EPHX1: variants seen among roughly 807,000 people sequenced by gnomAD.
The protein encoded by EPHX1 is epoxide hydratase.
A neutral mutation model predicts 43.2 loss-of-function variants in EPHX1; 40 were observed. The observed-to-expected ratio is 0.93, with a 90% CI of 0.72 to 1.21. The LOEUF is 1.21. Ranked by LOEUF, EPHX1 falls within the 50% of genes most tolerant of loss-of-function variation. The pLI is 0.00. For synonymous variants in EPHX1, 221 were observed against 226.7 expected, an observed-to-expected ratio of 0.98 and a Z score of 0.22; for missense variants, 550 against 570.4, an observed-to-expected ratio of 0.96 and a Z score of 0.36.
intron 2 of EPHX1, 47 bp downstream of exon 2, chr1:225,828,959 G>GT (rs1667421627): frequency 6.5e-7 from 1 of 1,549,690 alleles, no homozygotes; most frequent in Non-Finnish European, 8.7e-7. Flanking sequence ...AGAGGGTGGT[G>GT]TGTCGAAGAC....
At chr1:225,814,971 G>T (rs1022883666) in intron 1 of EPHX1, among the ~76,000 whole-genome samples, 1 of 152,236 alleles carries the variant, frequency 6.6e-6, no homozygotes, top group Non-Finnish European at 1.5e-5. Flanking sequence ...AGAGAAGACT[G>T]ACTCTTACCA....
chr1:225,824,648 C>T (rs1667141150), intron 1 of EPHX1, among the ~76,000 whole-genome samples: 1 of 152,244 alleles, frequency 6.6e-6, no homozygotes, highest in South Asian at 2.1e-4. Flanking sequence ...CAAGAGGGCG[C>T]CACTCTGCCT....
At chr1:225,810,627 G>A (rs569522668) in intron 1 of EPHX1, 1 of 152,544 alleles carries the variant, frequency 6.6e-6, no homozygotes, top group South Asian at 2.1e-4. Context: ...TGAGCAACAT[G>A]GCTGTTTATT....
intron 1 of EPHX1, among the ~76,000 whole-genome samples, chr1:225,812,424 A>G (rs897933754): frequency 1.1e-4 from 17 of 152,192 alleles, no homozygotes; most frequent in African/African-American, 4.1e-4. Flanking sequence ...GAAGCCCTGA[A>G]TGAGGGCTCT....
At chr1:225,811,889 A>T (rs576696905) in intron 1 of EPHX1, among the ~76,000 whole-genome samples, 9 of 152,346 alleles carry the variant, frequency 5.9e-5, no homozygotes, top group Non-Finnish European at 1.0e-4. Context: ...TTGCAGTTCT[A>T]GGGGCAGAGG....
intron 1 of EPHX1, chr1:225,825,352 T>C (rs1202739457): frequency 1.3e-5 from 2 of 152,258 alleles, no homozygotes; most frequent in African/African-American, 4.8e-5. Flanking sequence ...CCTGCCTCTC[T>C]CACAGGCCCT....
intron 1 of EPHX1, among the ~76,000 whole-genome samples, chr1:225,813,870 T>G (rs1666601779): frequency 6.6e-6 from 1 of 152,186 alleles, no homozygotes; most frequent in Non-Finnish European, 1.5e-5. Context: ...TGAGCAAGCT[T>G]GCAGAAGAGG....
In EPHX1 at chr1:225,838,737, T is replaced by C; in HGVS notation, c.448T>C (p.Trp150Arg). 6.2e-7 allele frequency: 1 copy of C among 1,614,204 alleles called. No homozygotes were observed. Among genetic ancestry groups the C allele is most frequent in the Non-Finnish European group, 8.5e-7 (1 of 1,180,030 alleles). The change falls in exon 4 of 9, where the codon TGG becomes CGG. Residue 150 changes from tryptophan to arginine, a missense_variant. Coordinates refer to ENST00000272167, the MANE Select transcript of EPHX1 (RefSeq NM_001136018.4). ...GAAGCCCTTGCTGATGGTGCACGGC[T>C]GGCCCGGCTCTTTCTACGAGTTTTA... is the stretch of plus-strand genomic sequence containing the variant. The part of the protein sequence containing the change: ...TPKPLLMVHG[W>R]PGSFYEFYKI...
At chr1:225,816,967 C>T (rs1666754064) in intron 1 of EPHX1, among the ~76,000 whole-genome samples, 1 of 152,230 alleles carries the variant, frequency 6.6e-6, no homozygotes, top group African/African-American at 2.4e-5. Context: ...AGCACTCCTG[C>T]CCCCAAGAAG....
At chr1:225,820,783 C>T (rs1277512317) in intron 1 of EPHX1, among the ~76,000 whole-genome samples, 1 of 151,922 alleles carries the variant, frequency 6.6e-6, no homozygotes, top group Non-Finnish European at 1.5e-5. Flanking sequence ...CTAACCACTT[C>T]TGCTTGTGCA....
intron 6 of EPHX1, among the ~76,000 whole-genome samples, chr1:225,841,433 C>T (rs1668402538): frequency 6.6e-6 from 1 of 151,288 alleles, no homozygotes; most frequent in Non-Finnish European, 1.5e-5. Context: ...CAGGCACCTG[C>T]CACCATGCCT....
At chr1:225,844,111 A>C (rs1668683711) in intron 7 of EPHX1, among the ~76,000 whole-genome samples, 1 of 152,194 alleles carries the variant, frequency 6.6e-6, no homozygotes, top group Non-Finnish European at 1.5e-5. Flanking sequence ...AGAGGAAAAC[A>C]TGAATTAAAA....
At chr1:225,838,628 A>G (rs921344873) in intron 3 of EPHX1, 26 bp from the exon 4 acceptor site, 12 of 1,601,206 alleles carry the variant, frequency 7.5e-6, no homozygotes, top group Non-Finnish European at 8.6e-6. Flanking sequence ...CTCTCCCTCC[A>G]CCCTGACTGT....
In EPHX1 at chr1:225,839,290, T is replaced by G; in HGVS notation, c.666T>G (p.Ile222Met). The change falls in exon 5 of 9, where the codon ATT becomes ATG. Residue 222 changes from isoleucine to methionine, a missense_variant. Coordinates refer to ENST00000272167, the MANE Select transcript of EPHX1 (RefSeq NM_001136018.4). ...MLRLGFQEFYIQGGDWGSLIC... is the reference protein window; with the variant it reads ...MLRLGFQEFYMQGGDWGSLIC... ...GGCTGGGCTTCCAGGAATTCTACAT[T>G]CAAGGAGGGGACTGGGGGTCCCTGA... 1 of 1,613,886 alleles carries G rather than the reference T, an allele frequency of 6.2e-7. No homozygotes were observed. Among genetic ancestry groups the G allele is most frequent in the South Asian group, 1.1e-5 (1 of 91,066 alleles).
intron 7 of EPHX1, among the ~76,000 whole-genome samples, chr1:225,843,506 A>G (rs1668614262): frequency 6.6e-6 from 1 of 152,156 alleles, no homozygotes; most frequent in African/African-American, 2.4e-5. Context: ...TCAGCAGGAC[A>G]CAGGGGTTGA....
intron 5 of EPHX1, 130 bp from the exon 6 acceptor site, chr1:225,839,699 G>A: frequency 9.5e-7 from 1 of 1,047,900 alleles, no homozygotes; most frequent in Non-Finnish European, 1.5e-6. Flanking sequence ...CTCCCCAGTG[G>A]GGCCAGTGCT....
At chr1:225,828,189 C>G (rs1667356122) in intron 1 of EPHX1, among the ~76,000 whole-genome samples, 1 of 152,042 alleles carries the variant, frequency 6.6e-6, no homozygotes, top group Admixed American at 6.6e-5. Flanking sequence ...ACTAAAAATA[C>G]AAAAATTAGC....
chr1:225,811,976 T>G (rs1308267046), intron 1 of EPHX1, among the ~76,000 whole-genome samples: 1 of 152,078 alleles, frequency 6.6e-6, no homozygotes, highest in Non-Finnish European at 1.5e-5. Flanking sequence ...AATAAAACTT[T>G]AAAGAGGGGA....
chr1:225,841,169 G>A (rs973393087), intron 6 of EPHX1: 3 of 152,198 alleles, frequency 2.0e-5, no homozygotes, highest in Non-Finnish European at 4.4e-5. Context: ...AGATGGTTTT[G>A]ATTGTGCCTG....
Sources: allele counts gnomAD v4.1 joint callset (sites outside exome capture counted in the v4.1 genomes callset), GRCh38; gene constraint gnomAD v4.1.1; transcripts MANE v1.5; gene names NCBI Gene and HGNC (gene_info 2026-07-23, HGNC 2026-07-21).